Variants in PC observed in about 807,000 individuals in gnomAD.
PC encodes pyruvate carboxylase, mitochondrial.
PC carries 46 observed loss-of-function variants against 107.8 expected under a neutral mutation model. That is an observed-to-expected ratio of 0.43 (90% CI 0.34 to 0.55). PC has a LOEUF of 0.55. Among genes scored for constraint, PC ranks in the 20% least tolerant of loss-of-function variants. PC has a pLI of 0.04. For missense variants in PC, 1,241 were observed against 1,643.1 expected, an observed-to-expected ratio of 0.76 and a Z score of 4.23; for synonymous variants, 662 against 684.7, an observed-to-expected ratio of 0.97 and a Z score of 0.52.
At chr11:66,895,846 C>T (rs987756362) in intron 3 of PC, among the ~76,000 whole-genome samples, 1 of 152,078 alleles carries the variant, frequency 6.6e-6, no homozygotes, top group Non-Finnish European at 1.5e-5. Context: ...CATGAGTTTC[C>T]ACACTGGAAG....
chr11:66,861,165 T>C (rs1366473118), intron 12 of PC, among the ~76,000 whole-genome samples: 1 of 152,150 alleles, frequency 6.6e-6, no homozygotes, highest in African/African-American at 2.4e-5. Flanking sequence ...GGCAGCCGGA[T>C]GGGCACGAGC....
rs572440768 is a variant in PC, at chr11:66,850,809, C to T, written c.2338G>A (p.Val780Met). Reference protein sequence around the residue: ...IHTHDTSGAGVAAMLACAQAG... With the variant: ...IHTHDTSGAGMAAMLACAQAG... ...TGGGCACAGGCCAGCATGGCTGCCA[C>T]GCCTGCCCCTGACGTGTCGTGGGTG... The change falls in exon 18 of 23, where the codon GTG becomes ATG. Residue 780 changes from valine (V) to methionine (M), a missense_variant. Transcript: ENST00000393960. 7 of 1,611,966 alleles carry T rather than the reference C, an allele frequency of 4.3e-6. No homozygotes were observed. The highest frequency in any genetic ancestry group is 1.3e-5 in the African/African-American group (1 of 75,064).
intron 16 of PC, 146 bp downstream of exon 16, chr11:66,851,644 A>G (rs552808435): frequency 1.7e-4 from 150 of 878,180 alleles, no homozygotes; most frequent in South Asian, 1.4e-3. Context: ...ACACTTCTCG[A>G]TATTTCCAAA....
rs34376611 is a variant in PC, at chr11:66,849,324, A to C, written c.3194T>G (p.Val1065Gly). 1 of 1,613,544 alleles carries C rather than the reference A, an allele frequency of 6.2e-7. No homozygotes were observed. Among genetic ancestry groups the C allele is most frequent in the Non-Finnish European group, 8.5e-7 (1 of 1,180,026 alleles). ...CTGGCCGGCCCGGTTCAGGTCGCTC[A>C]CGGCCAGGGCTTTGATGTGCAGCGT... The part of the protein sequence containing the change: ...GKTLHIKALA[V>G]SDLNRAGQRQ... Residue 1065 changes from valine (V) to glycine (G), a missense_variant, in exon 22 of 23, where the codon GTG becomes GGG. Val to Gly is a moderately radical substitution (Grantham distance 109). Around this residue, in one of 2 missense-constraint regions of PC, gnomAD observed 1,143 missense variants for 1,551.9 expected, o/e 0.74. Transcript: ENST00000393960.
chr11:66,903,752 GAAAAAA>G (rs1175402409), intron 3 of PC, among the ~76,000 whole-genome samples: 2,209 of 76,080 alleles, frequency 0.029, 48 homozygotes, highest in Non-Finnish European at 0.042. Context: ...TCCATCTCAG[GAAAAAA>G]AAAAAAAAAA....
At chr11:66,885,241 C>G (rs932549232) in intron 3 of PC, among the ~76,000 whole-genome samples, 1 of 152,196 alleles carries the variant, frequency 6.6e-6, no homozygotes, top group African/African-American at 2.4e-5. Flanking sequence ...GTAATCCCAG[C>G]ACTTTCGGAG....
At chr11:66,907,678 C>T (rs1378672353) in intron 3 of PC, 1 of 152,254 alleles carries the variant, frequency 6.6e-6, no homozygotes, top group Non-Finnish European at 1.5e-5. Flanking sequence ...TCTCTAAGGA[C>T]TGTTCCCATC....
At chr11:66,856,132 A>G (rs1206326156) in intron 12 of PC, among the ~76,000 whole-genome samples, 1 of 151,852 alleles carries the variant, frequency 6.6e-6, no homozygotes, top group Non-Finnish European at 1.5e-5. Flanking sequence ...CAGGAAGCAA[A>G]GAACCTCCCC....
At chr11:66,934,870 G>T (rs1948954870) in intron 3 of PC, among the ~76,000 whole-genome samples, 1 of 152,162 alleles carries the variant, frequency 6.6e-6, no homozygotes. Context: ...CTCCCAAAGT[G>T]CTGGGATTAC....
intron 12 of PC, chr11:66,859,858 G>A: frequency 1.3e-6 from 2 of 1,563,566 alleles, no homozygotes; most frequent in Non-Finnish European, 1.7e-6. Context: ...GCCGTGGGGG[G>A]TGTGCTGGTG....
Position 66,848,738 on chromosome 11 carries a change from G to T in PC, c.*161C>A. 1 of 815,088 alleles carries T rather than the reference G, an allele frequency of 1.2e-6. No homozygotes were observed. The allele number at this position is 815,088 out of a possible 1,614,324, so 50.5% of individuals were successfully genotyped here. On this transcript the variant is annotated 3_prime_UTR_variant, in exon 23 of 23. Transcript: ENST00000393960. ...CCGGAGGAAAGGACGATGGCTGAAA[G>T]GAATGAACCACCGCAGGCGGTGTCT...
chr11:66,951,808 T>C (rs2136156051), intron 3 of PC, among the ~76,000 whole-genome samples: 1 of 151,484 alleles, frequency 6.6e-6, no homozygotes, highest in East Asian at 1.9e-4. Context: ...GAGAATTGCT[T>C]GAACCCAGGA....
rs562454511 is a variant in PC, at chr11:66,946,630, A to T, written c.-1+5800T>A. On this transcript the variant is annotated intron_variant, in intron 3 of 22. Coordinates refer to ENST00000393960, the MANE Select transcript of PC (RefSeq NM_001040716.2). ...AGTGAGACTCCATCTCAAAAAAAAA[A>T]TTTTTTTTAAATCAGCCAGGCATGA... 1.2e-3 allele frequency among the ~76,000 whole-genome samples: 190 copies of T among 152,038 alleles called. 1 individual carries two copies. Among genetic ancestry groups the T allele is most frequent in the Non-Finnish European group, 1.8e-3 (121 of 67,980 alleles).
rs531640812 is a variant in PC, at chr11:66,849,284, A to G, written c.3234T>C (p.Phe1078=). ...LNRAGQRQVF[F]ELNGQLRSIL... is the part of the protein sequence containing the mutation. ...TGGACCGCAGCTGCCCATTGAGCTC[A>G]AAGAAGACCTGCCTCTGGCCGGCCC... The change falls in exon 22 of 23, where the codon TTT becomes TTC. Residue 1078 remains phenylalanine (F), a synonymous_variant. Coordinates refer to ENST00000393960, the MANE Select transcript of PC (RefSeq NM_001040716.2). The G allele has an allele frequency of 2.9e-5, 47 of 1,613,612 alleles. 1 individual carries two copies. The highest frequency in any genetic ancestry group is 3.3e-4 in the Middle Eastern group (2 of 6,062).
At chr11:66,907,476 G>A (rs1417543778) in intron 3 of PC, among the ~76,000 whole-genome samples, 3 of 152,046 alleles carry the variant, frequency 2.0e-5, no homozygotes, top group South Asian at 2.1e-4. Context: ...GCAGTGAGCC[G>A]AGATCATACC....
chr11:66,871,288 C>T lies in PC; in HGVS notation c.487+27G>A, dbSNP rs748750453. On this transcript the variant is annotated intron_variant, in intron 6 of 22. Transcript: ENST00000393960. This position sits in a 1 kb window ranked among gnomAD's most constrained non-coding sequence, Gnocchi z 7.4. ...GGACCCTCTCCAGGAGCTGCGGGGCCACCCCTTGCTTGCCCGTTATATTCA... is the reference window on the plus strand; with the variant it reads ...GGACCCTCTCCAGGAGCTGCGGGGCTACCCCTTGCTTGCCCGTTATATTCA... 1.2e-6 allele frequency: 2 copies of T among 1,614,080 alleles called. No individual in the cohort carries two copies. The highest frequency in any genetic ancestry group is 1.7e-6 in the Non-Finnish European group (2 of 1,180,032).
chr11:66,908,407 C>G (rs1022747083), intron 3 of PC, among the ~76,000 whole-genome samples: 1 of 152,152 alleles, frequency 6.6e-6, no homozygotes, highest in Non-Finnish European at 1.5e-5. Flanking sequence ...TTAGTGTGAG[C>G]TGGTGACCCA....
intron 11 of PC, among the ~76,000 whole-genome samples, chr11:66,865,893 A>G (rs1946472017): frequency 6.6e-6 from 1 of 152,098 alleles, no homozygotes; most frequent in African/African-American, 2.4e-5. Context: ...CTGGAGGGTC[A>G]GGGGCTGGCT....
chr11:66,937,769 GGGTTTTTTTT>G (rs1949033678), intron 3 of PC, among the ~76,000 whole-genome samples: 2 of 150,336 alleles, frequency 1.3e-5, no homozygotes, highest in Admixed American at 1.3e-4. Flanking sequence ...CAGAATTTCT[GGGTTTTTTTT>G]GTTTTTTTTT....
Sources: gnomAD v4.1 joint callset for allele counts (sites outside exome capture counted in the v4.1 genomes callset) on GRCh38, gnomAD v4.1.1 for gene constraint, gnomAD v4.1.1 regional missense constraint, Gnocchi (gnomAD v3.1) non-coding constraint, MANE v1.5 for transcripts, NCBI Gene and HGNC (gene_info 2026-07-23, HGNC 2026-07-21) for gene names.